The following PDZRN4 variants were observed in gnomAD, a reference collection of about 807,000 sequenced individuals.
The protein encoded by PDZRN4 is PDZ domain containing ring finger 4.
A neutral mutation model predicts 99.0 loss-of-function variants in PDZRN4; 70 were observed. That is an observed-to-expected ratio of 0.71 (90% confidence interval 0.58 to 0.86). The LOEUF is 0.86. Among genes scored for constraint, PDZRN4 ranks in the 40% least tolerant of loss-of-function variants. The probability of loss-of-function intolerance (pLI) is 0.00; values close to 1 mark genes in which losing one functional copy is unlikely to be tolerated. For missense variants in PDZRN4, 1,474 were observed against 1,331.2 expected (o/e 1.11, Z -1.67); for synonymous variants, 551 against 501.6 (o/e 1.10, Z -1.32).
At chr12:41,422,961 C>T (rs1418077102) in intron 3 of PDZRN4, among the ~76,000 whole-genome samples, 1 of 152,086 alleles carries the variant, frequency 6.6e-6, no homozygotes, top group Admixed American at 6.6e-5. Flanking sequence ...TATCTTCCTT[C>T]CTTTTACATA....
chr12:41,374,339 G>A lies in PDZRN4; in HGVS notation c.844-132117G>A, dbSNP rs530562063. Among the ~76,000 whole-genome samples, 2 of 152,240 alleles carry A rather than the reference G, an allele frequency of 1.3e-5. 1 individual carries two copies. Among genetic ancestry groups the A allele is most frequent in the African/African-American group, 4.8e-5 (2 of 41,540 alleles). ...AAAGGTAAGTCATTTTTCTGGTCTT[G>A]TGTGCATGTGGGCAATGCAGTCAGC... On this transcript the variant is annotated intron_variant, in intron 3 of 9. Coordinates refer to ENST00000402685, the MANE Select transcript of PDZRN4 (RefSeq NM_001164595.2).
intron 3 of PDZRN4, among the ~76,000 whole-genome samples, chr12:41,481,671 G>A (rs1464968042): frequency 6.6e-6 from 1 of 152,080 alleles, no homozygotes; most frequent in Non-Finnish European, 1.5e-5. Flanking sequence ...CTGATCCTCA[G>A]TAATCTTGAG....
At chr12:41,232,390 T>C (rs112650656) in intron 3 of PDZRN4, among the ~76,000 whole-genome samples, 3,351 of 152,188 alleles carry the variant, frequency 0.022, 91 homozygotes, top group African/African-American at 0.064. Context: ...ATTCCTTTGC[T>C]ATTTTTCCAT....
rs11180957 is a variant in PDZRN4 at position 41,493,905 on chromosome 12, G to A, written c.844-12551G>A. Reference sequence around the variant, plus strand: ...TCACTTATATTAAAAAAATAATGGGGGGGGGGATTCTCTTTACCGAAGTTT... The same window carrying A: ...TCACTTATATTAAAAAAATAATGGGAGGGGGGATTCTCTTTACCGAAGTTT... On this transcript the variant is annotated intron_variant, in intron 3 of 9. Coordinates refer to ENST00000402685, the MANE Select transcript of PDZRN4 (RefSeq NM_001164595.2). 5.3e-3 allele frequency among the ~76,000 whole-genome samples: 790 copies of A among 148,356 alleles called. 44 individuals carry two copies. In the East Asian group the frequency reaches 0.13, roughly 24 times the overall value.
At chr12:41,284,589 G>A (rs549743899) in intron 3 of PDZRN4, among the ~76,000 whole-genome samples, 89 of 152,204 alleles carry the variant, frequency 5.8e-4, no homozygotes, top group African/African-American at 2.1e-3. Context: ...GAGGCATCAC[G>A]CAACCTGACT....
chr12:41,277,429 A>G (rs1951356224), intron 3 of PDZRN4, among the ~76,000 whole-genome samples: 1 of 152,200 alleles, frequency 6.6e-6, no homozygotes, highest in Non-Finnish European at 1.5e-5. Flanking sequence ...TGCAGAGGCG[A>G]ATTTCCCACT....
chr12:41,310,920 G>A (rs1951602509), intron 3 of PDZRN4, among the ~76,000 whole-genome samples: 1 of 152,092 alleles, frequency 6.6e-6, no homozygotes, highest in Non-Finnish European at 1.5e-5. Flanking sequence ...AGATCTAAGA[G>A]TTAAATCTCA....
chr12:41,264,303 A>G (rs1951262879), intron 3 of PDZRN4, among the ~76,000 whole-genome samples: 1 of 152,196 alleles, frequency 6.6e-6, no homozygotes, highest in Non-Finnish European at 1.5e-5. Flanking sequence ...CAAAATTATG[A>G]CATTGTTTTT....
chr12:41,241,222 G>C (rs1951099933), intron 3 of PDZRN4, among the ~76,000 whole-genome samples: 1 of 152,070 alleles, frequency 6.6e-6, no homozygotes, highest in African/African-American at 2.4e-5. Flanking sequence ...TTTCCTTTGA[G>C]TATTTTGCTG....
intron 3 of PDZRN4, among the ~76,000 whole-genome samples, chr12:41,263,532 C>G (rs909934869): frequency 2.6e-5 from 4 of 152,082 alleles, no homozygotes; most frequent in African/African-American, 9.7e-5. Flanking sequence ...ACTAAAAATA[C>G]AAAAATTAGC....
chr12:41,232,903 C>G (rs1591978235), intron 3 of PDZRN4, among the ~76,000 whole-genome samples: 1 of 152,118 alleles, frequency 6.6e-6, no homozygotes, highest in Non-Finnish European at 1.5e-5. Flanking sequence ...AGCCAATTTT[C>G]CACACCATTT....
intron 3 of PDZRN4, among the ~76,000 whole-genome samples, chr12:41,491,879 G>A (rs1311547606): frequency 6.6e-6 from 1 of 152,040 alleles, no homozygotes; most frequent in Non-Finnish European, 1.5e-5. Flanking sequence ...ATTCTATTCC[G>A]TATCTGGTTC....
At chr12:41,404,470 A>G (rs770623139) in intron 3 of PDZRN4, among the ~76,000 whole-genome samples, 22 of 152,150 alleles carry the variant, frequency 1.4e-4, no homozygotes, top group Non-Finnish European at 2.8e-4. Context: ...AGCCCTATAC[A>G]AGGAAAACTA....
intron 3 of PDZRN4, among the ~76,000 whole-genome samples, chr12:41,226,775 A>G (rs7135065): frequency 0.013 from 2,015 of 152,312 alleles, 44 homozygotes; most frequent in African/African-American, 0.046. Context: ...TTAAGGCTAG[A>G]AAAACTGTTA....
At chr12:41,463,056 A>T (rs1370876857) in intron 3 of PDZRN4, among the ~76,000 whole-genome samples, 3 of 152,186 alleles carry the variant, frequency 2.0e-5, no homozygotes, top group Non-Finnish European at 4.4e-5. Flanking sequence ...ATCAAACTAT[A>T]GCATTCTCTT....
intron 3 of PDZRN4, among the ~76,000 whole-genome samples, chr12:41,261,284 T>G (rs1221168761): frequency 1.3e-5 from 2 of 152,170 alleles, no homozygotes; most frequent in African/African-American, 4.8e-5. Flanking sequence ...TAGTATTTAG[T>G]AGGAGGCAGT....
intron 3 of PDZRN4, among the ~76,000 whole-genome samples, chr12:41,349,558 A>T (rs1592022827): frequency 6.6e-6 from 1 of 151,902 alleles, no homozygotes; most frequent in Non-Finnish European, 1.5e-5. Context: ...AACTGAAAAG[A>T]CTCACTATTT....
intron 9 of PDZRN4, among the ~76,000 whole-genome samples, chr12:41,569,884 A>G (rs1308606475): frequency 6.6e-6 from 1 of 152,194 alleles, no homozygotes; most frequent in Non-Finnish European, 1.5e-5. Context: ...TAGGTAGGGC[A>G]GATTAAAATT....
At position 41,188,693 on chromosome 12, in the gene PDZRN4, C is replaced by T. The variant is rs761156887; in HGVS notation, c.238C>T (p.Gln80Ter). Residue 80 changes from glutamine to a stop codon, truncating the protein, a stop_gained, in exon 1 of 10, where the codon CAG becomes TAG. Transcript: ENST00000402685. LOFTEE classifies it high-confidence loss of function. ...LRSLIQKLRV[Q>*]CDYRARGCGH... Reference sequence around the variant, plus strand: ...CAGCCTCATCCAGAAGCTGCGAGTCCAGTGCGACTACCGCGCCCGCGGCTG... The same window carrying T: ...CAGCCTCATCCAGAAGCTGCGAGTCTAGTGCGACTACCGCGCCCGCGGCTG... 9 of 1,558,182 alleles carry T rather than the reference C, an allele frequency of 5.8e-6. No homozygotes were observed. In the East Asian group the frequency reaches 1.9e-4, roughly 33 times the overall value.
Sources: gnomAD v4.1 joint callset for allele counts (sites outside exome capture counted in the v4.1 genomes callset) on GRCh38, gnomAD v4.1.1 for gene constraint, MANE v1.5 for transcripts, NCBI Gene and HGNC (gene_info 2026-07-23, HGNC 2026-07-21) for gene names.